Variants in PREX1 observed in about 807,000 individuals in gnomAD.
The protein encoded by PREX1 is phosphatidylinositol-3,4,5-trisphosphate dependent Rac exchange factor 1, also known as phosphatidylinositol 3,4,5-trisphosphate-dependent Rac exchanger 1 protein.
A neutral mutation model predicts 198.3 loss-of-function variants in PREX1; 41 were observed. The observed-to-expected ratio is 0.21, with a 90% confidence interval of 0.16 to 0.27. The LOEUF is 0.27. Among genes scored for constraint, PREX1 ranks in the 10% least tolerant of loss-of-function variants. PREX1 has a pLI of 1.00. For missense variants in PREX1, 1,620 were observed against 2,200.7 expected, an observed-to-expected ratio of 0.74 and a Z score of 5.28; for synonymous variants, 843 against 887.2, an observed-to-expected ratio of 0.95 and a Z score of 0.89.
the PREX1 span, among the ~76,000 whole-genome samples, chr20:48,879,258 A>C: frequency 6.6e-6 from 1 of 152,094 alleles, no homozygotes; most frequent in Non-Finnish European, 1.5e-5. Flanking sequence ...ATTATTTTGC[A>C]GTTTCATCTT....
rs115591331 is a variant in PREX1 at position 48,670,741 on chromosome 20, G to A, written c.1666-4386C>T. On this transcript the variant is annotated intron_variant, in intron 14 of 39. Coordinates refer to ENST00000371941, the MANE Select transcript of PREX1 (RefSeq NM_020820.4). ...TAGGCCTCTGACACCCCTGAGAGGT[G>A]GTCTCTGCTCAGACTCAATCAGCGA... is the stretch of plus-strand genomic sequence containing the variant. Among the ~76,000 whole-genome samples the A allele has an allele frequency of 6.3e-3, 957 of 152,232 alleles. 12 individuals carry two copies. Among genetic ancestry groups the A allele is most frequent in the African/African-American group, 0.022 (925 of 41,518 alleles).
At chr20:48,636,823 T>A in intron 31 of PREX1, 140 bp from the exon 32 acceptor site, 1 of 728,066 alleles carries the variant, frequency 1.4e-6, no homozygotes, top group Non-Finnish European at 2.2e-6. Context: ...TACTTTTTGG[T>A]GGACATCCCA....
chr20:48,714,134 C>T (rs907409784), intron 5 of PREX1, among the ~76,000 whole-genome samples: 1 of 152,088 alleles, frequency 6.6e-6, no homozygotes, highest in African/African-American at 2.4e-5. Context: ...ATAAAACTGT[C>T]AGAGAAAACA....
chr20:48,859,473 C>A, the PREX1 span, among the ~76,000 whole-genome samples: 1 of 152,062 alleles, frequency 6.6e-6, no homozygotes, highest in African/African-American at 2.4e-5. Context: ...ATCAGGGAGC[C>A]CCTGCCTCAC....
intron 6 of PREX1, among the ~76,000 whole-genome samples, chr20:48,704,718 G>A (rs2089894219): frequency 6.6e-6 from 1 of 152,152 alleles, no homozygotes; most frequent in Non-Finnish European, 1.5e-5. Context: ...ACCACACCTG[G>A]CTAATTTTTG....
chr20:48,849,301 A>G, the PREX1 span: 1 of 152,176 alleles, frequency 6.6e-6, no homozygotes, highest in Admixed American at 6.5e-5. Context: ...AAATAAACAA[A>G]ACAATACTAG....
the PREX1 span, among the ~76,000 whole-genome samples, chr20:48,837,190 C>T: frequency 1.3e-5 from 2 of 152,190 alleles, no homozygotes; most frequent in Admixed American, 6.5e-5. Flanking sequence ...CCTGAGGTTG[C>T]GAAGAAAAGG....
the PREX1 span, among the ~76,000 whole-genome samples, chr20:48,840,594 G>C: frequency 6.6e-6 from 1 of 152,208 alleles, no homozygotes; most frequent in Non-Finnish European, 1.5e-5. Context: ...TGACAGCAGA[G>C]ATGTTCATAT....
intron 14 of PREX1, among the ~76,000 whole-genome samples, chr20:48,673,741 C>A (rs1296050361): frequency 2.6e-5 from 4 of 152,190 alleles, no homozygotes; most frequent in African/African-American, 9.7e-5. Flanking sequence ...GGTCCCCAAA[C>A]CCTTGCACAA....
At chr20:48,786,953 C>A (rs1051611426) in intron 1 of PREX1, among the ~76,000 whole-genome samples, 5 of 151,772 alleles carry the variant, frequency 3.3e-5, no homozygotes, top group African/African-American at 9.7e-5. Flanking sequence ...CACAAGGATG[C>A]GACTCCTGAC....
chr20:48,674,487 G>A (rs940788556), intron 14 of PREX1, among the ~76,000 whole-genome samples: 3 of 152,166 alleles, frequency 2.0e-5, no homozygotes, highest in Admixed American at 2.0e-4. Flanking sequence ...TTATTTCACA[G>A]GTTTCTTCTC....
intron 1 of PREX1, among the ~76,000 whole-genome samples, chr20:48,825,598 TAACTC>T (rs1176394664): frequency 5.3e-5 from 8 of 152,260 alleles, no homozygotes; most frequent in Admixed American, 2.0e-4. Flanking sequence ...AAACCACAGT[TAACTC>T]AAACACAATC....
At chr20:48,883,274 T>C in the PREX1 span, among the ~76,000 whole-genome samples, 1 of 151,956 alleles carries the variant, frequency 6.6e-6, no homozygotes, top group Non-Finnish European at 1.5e-5. Flanking sequence ...AGAAAGGGCA[T>C]TGTAAAAAAT....
the PREX1 span, among the ~76,000 whole-genome samples, chr20:48,865,075 T>C: frequency 6.6e-6 from 1 of 151,998 alleles, no homozygotes; most frequent in Non-Finnish European, 1.5e-5. Context: ...TGTGGGATCA[T>C]TCAAATCAGT....
intron 15 of PREX1, among the ~76,000 whole-genome samples, chr20:48,662,619 A>C (rs1176242742): frequency 2.0e-5 from 3 of 152,204 alleles, no homozygotes; most frequent in Non-Finnish European, 4.4e-5. Context: ...TAAGGTGGGA[A>C]TACCTTAGTG....
intron 14 of PREX1, among the ~76,000 whole-genome samples, chr20:48,671,256 C>T (rs1039208873): frequency 6.4e-4 from 98 of 152,244 alleles, no homozygotes; most frequent in African/African-American, 2.2e-3. Context: ...CCCTAATACA[C>T]AGAAAGAAAA....
intron 4 of PREX1, among the ~76,000 whole-genome samples, chr20:48,730,416 C>T (rs7272897): frequency 9.7e-3 from 469 of 48,494 alleles, no homozygotes; most frequent in African/African-American, 0.064. Flanking sequence ...AAAGCCACCA[C>T]ACACACACAC....
At chr20:48,745,833 G>A (rs936521957) in intron 2 of PREX1, among the ~76,000 whole-genome samples, 6 of 152,124 alleles carry the variant, frequency 3.9e-5, no homozygotes, top group Non-Finnish European at 8.8e-5. Context: ...CAGGATATGC[G>A]GCAATTGTCA....
At chr20:48,821,335 T>G (rs1379669904) in intron 1 of PREX1, among the ~76,000 whole-genome samples, 1 of 152,086 alleles carries the variant, frequency 6.6e-6, no homozygotes, top group Admixed American at 6.5e-5. Flanking sequence ...CCTTAACTGG[T>G]GCTCACCTCC....
Sources: gnomAD v4.1 joint callset for allele counts (sites outside exome capture counted in the v4.1 genomes callset) on GRCh38, gnomAD v4.1.1 for gene constraint, MANE v1.5 for transcripts, NCBI Gene and HGNC (gene_info 2026-07-23, HGNC 2026-07-21) for gene names.